SIRT2: variants seen among roughly 807,000 people sequenced by gnomAD.
SIRT2 encodes the protein NAD-dependent protein deacetylase sirtuin-2.
A neutral mutation model predicts 57.4 loss-of-function variants in SIRT2; 40 were observed. That is an observed-to-expected ratio of 0.70 (90% CI 0.54 to 0.91). The LOEUF (loss-of-function observed/expected upper bound fraction) is 0.91, where lower values mean the gene tolerates loss of function less well. Among genes scored for constraint, SIRT2 ranks in the 40% least tolerant of loss-of-function variants. SIRT2 has a pLI of 0.00. For synonymous variants in SIRT2, 161 were observed against 195.7 expected, an observed-to-expected ratio of 0.82 and a Z score of 1.48; for missense variants, 439 against 510.4, an observed-to-expected ratio of 0.86 and a Z score of 1.35.
rs571037043 is a variant in SIRT2, at chr19:38,880,217, G to C, written c.876+468C>G. The C allele has an allele frequency of 4.9e-5, 9 of 182,134 alleles. No homozygotes were observed. The Admixed American group carries it at 4.9e-4, about 10-fold the overall frequency. 11.3% of individuals were successfully genotyped at this position (182,134 alleles called of 1,614,324 possible). A position where few individuals can be genotyped will look rare whatever the true frequency, so the allele number is the denominator to read the frequency against. On this transcript the variant is annotated intron_variant, in intron 13 of 15. Coordinates refer to ENST00000249396, the MANE Select transcript of SIRT2 (RefSeq NM_012237.4). The surrounding 1 kb of genome is among the most constrained non-coding windows in gnomAD (Gnocchi z 4.1). ...CACAAAACCGCGATGGGGTTGTGGC[G>C]CCAGTGAGTTCACGCAGGCTAAGAC...
In SIRT2 at chr19:38,878,907, C is replaced by T; in HGVS notation, c.*248G>A. The T allele has an allele frequency of 2.1e-6, 1 of 465,534 alleles. No individual in the cohort carries two copies. The highest frequency in any genetic ancestry group is 3.8e-6 in the Non-Finnish European group (1 of 266,078). 28.8% of individuals were successfully genotyped at this position (465,534 alleles called of 1,614,324 possible). ...AGATGAGGGAGGTTACTCCTTAGCC[C>T]AGGAGTGGTTAGAGACAGTGGGGCT... On this transcript the variant is annotated 3_prime_UTR_variant, in exon 16 of 16. Coordinates refer to ENST00000249396, the MANE Select transcript of SIRT2 (RefSeq NM_012237.4).
At chr19:38,883,597 G>T in intron 9 of SIRT2, 30 bp downstream of exon 9, 1 of 1,607,624 alleles carries the variant, frequency 6.2e-7, no homozygotes, top group Non-Finnish European at 8.5e-7. Flanking sequence ...CTGAGAGGAG[G>T]CCTGCCCTCA....
At chr19:38,881,342 G>T in intron 10 of SIRT2, 90 bp downstream of exon 10, 2 of 1,261,750 alleles carry the variant, frequency 1.6e-6, no homozygotes, top group African/African-American at 1.5e-5. Flanking sequence ...GTGGCCAGAT[G>T]TGTGCGGGTG....
intron 4 of SIRT2, among the ~76,000 whole-genome samples, chr19:38,892,872 CT>C (rs369809805): frequency 4.2e-4 from 64 of 152,352 alleles, no homozygotes; most frequent in African/African-American, 1.1e-3. Flanking sequence ...GCCACTGCCC[CT>C]GGTCCTATAT....
At chr19:38,883,868 TG>T in intron 8 of SIRT2, 112 bp from the exon 9 acceptor site, 1 of 1,167,852 alleles carries the variant, frequency 8.6e-7, no homozygotes, top group South Asian at 1.3e-5. Context: ...TGGGGACAGG[TG>T]GAGAAGGGAG....
chr19:38,880,749 G>A lies in SIRT2; in HGVS notation c.825-13C>T, dbSNP rs1248954459. 6.8e-6 allele frequency: 11 copies of A among 1,608,670 alleles called. No homozygotes were observed. Among genetic ancestry groups the A allele is most frequent in the African/African-American group, 1.3e-5 (1 of 74,788 alleles). ...GGAGAGGGGTGCCCTGTGGGGAGGG[G>A]GAGCTAAGGGGTCAGGGTCTGTCCT... On this transcript the variant is annotated splice_polypyrimidine_tract_variant and intron_variant, in intron 12 of 15. Transcript: ENST00000249396. The surrounding 1 kb of genome is among the most constrained non-coding windows in gnomAD (Gnocchi z 4.1).
rs1280749644 is a variant in SIRT2, at chr19:38,890,160, T to G, written c.227-16A>C. 1 of 1,613,930 alleles carries G rather than the reference T, an allele frequency of 6.2e-7. No individual in the cohort carries two copies. Among genetic ancestry groups the G allele is most frequent in the East Asian group, 2.2e-5 (1 of 44,894 alleles). Reference sequence around the variant, plus strand: ...ACTCTGCGACCTGGAGGAGAGGAACTTATGCACCATATGACACCGTTTGCT... The same window carrying G: ...ACTCTGCGACCTGGAGGAGAGGAACGTATGCACCATATGACACCGTTTGCT... On this transcript the variant is annotated splice_polypyrimidine_tract_variant and intron_variant, in intron 4 of 15. Coordinates refer to ENST00000249396, the MANE Select transcript of SIRT2 (RefSeq NM_012237.4).
rs775649914 is a variant in SIRT2 at position 38,889,728 on chromosome 19, G to A, written c.393C>T (p.Phe131=). Reference sequence around the variant, plus strand: ...GATAGAGTTCCTTGGCGAGGGCGAAGAAGGGTTCCGGATGTTTCTGTAGGA... The same window carrying A: ...GATAGAGTTCCTTGGCGAGGGCGAAAAAGGGTTCCGGATGTTTCTGTAGGA... ...ISYFKKHPEP[F]FALAKELYPG... Residue 131 remains phenylalanine, a synonymous_variant, in exon 7 of 16, where the codon TTC becomes TTT. Coordinates refer to ENST00000249396, the MANE Select transcript of SIRT2 (RefSeq NM_012237.4). 1.9e-6 allele frequency: 3 copies of A among 1,614,174 alleles called. No homozygotes were observed. Among genetic ancestry groups the A allele is most frequent in the Admixed American group, 3.3e-5 (2 of 60,016 alleles).
chr19:38,895,581 G>A (rs1052823431), intron 2 of SIRT2, among the ~76,000 whole-genome samples: 1 of 152,202 alleles, frequency 6.6e-6, no homozygotes. Flanking sequence ...CTGCGTCCAA[G>A]TCTTTTTGAA....
chr19:38,885,270 T>G (rs1256663459), intron 8 of SIRT2, among the ~76,000 whole-genome samples: 1 of 151,124 alleles, frequency 6.6e-6, no homozygotes, highest in South Asian at 2.1e-4. Flanking sequence ...TCTTTTTAAT[T>G]ATTTTTGTAG....
chr19:38,885,336 C>T (rs1220732354), intron 8 of SIRT2, among the ~76,000 whole-genome samples: 1 of 152,062 alleles, frequency 6.6e-6, no homozygotes, highest in African/African-American at 2.4e-5. Flanking sequence ...AACTCCTGGG[C>T]TCAAGTGATC....
At position 38,879,414 on chromosome 19, in the gene SIRT2, G is replaced by A. The variant is rs201620310; in HGVS notation, c.1014+20C>T. 62 of 1,589,470 alleles carry A rather than the reference G, an allele frequency of 3.9e-5. No homozygotes were observed. In the African/African-American group the frequency reaches 6.3e-4, roughly 16 times the overall value. ...CCAGGGATGGGGCTCAGGACAGGCTGGGGTTGCTCAGCTCCTCACCTTCCA... is the reference window on the plus strand; with the variant it reads ...CCAGGGATGGGGCTCAGGACAGGCTAGGGTTGCTCAGCTCCTCACCTTCCA... On this transcript the variant is annotated intron_variant, in intron 15 of 15. Transcript: ENST00000249396.
chr19:38,892,927 T>C (rs1973590297), intron 4 of SIRT2, among the ~76,000 whole-genome samples: 1 of 152,184 alleles, frequency 6.6e-6, no homozygotes. Flanking sequence ...TTAGATACTA[T>C]AATCATTATC....
At chr19:38,896,090 AAGAG>A (rs1202305169) in intron 2 of SIRT2, among the ~76,000 whole-genome samples, 5 of 151,910 alleles carry the variant, frequency 3.3e-5, no homozygotes, top group Admixed American at 2.0e-4. Context: ...GAGAGAGAGA[AAGAG>A]AGAGTGAGAA....
rs146903375 is a variant in SIRT2, at chr19:38,883,631, C to T, written c.627G>A (p.Met209Ile). The change falls in exon 9 of 16, where the codon ATG (methionine) becomes ATA (isoleucine). Residue 209 changes from methionine (M) to isoleucine (I), a missense_variant. Met to Ile is a conservative substitution (Grantham distance 10). Coordinates refer to ENST00000249396, the MANE Select transcript of SIRT2 (RefSeq NM_012237.4). ...SCRHEYPLSW[M>I]KEKIFSEVTP... Reference sequence around the variant, plus strand: ...CAGGATGCCCTCCAGCCTCACCTTTCATCCAGCTTAGCGGGTATTCGTGCC... The same window carrying T: ...CAGGATGCCCTCCAGCCTCACCTTTTATCCAGCTTAGCGGGTATTCGTGCC... 7 of 1,613,620 alleles carry T rather than the reference C, an allele frequency of 4.3e-6. No individual in the cohort carries two copies. The highest frequency in any genetic ancestry group is 5.1e-6 in the Non-Finnish European group (6 of 1,179,620).
At chr19:38,899,380 A>G in intron 1 of SIRT2, 126 bp downstream of exon 1, 1 of 1,073,902 alleles carries the variant, frequency 9.3e-7, no homozygotes, top group Non-Finnish European at 1.4e-6. Context: ...AACAGCCCTC[A>G]GAATCCCACT....
At chr19:38,894,027 GGACA>G in intron 2 of SIRT2, 160 bp from the exon 3 acceptor site, 1 of 1,446,182 alleles carries the variant, frequency 6.9e-7, no homozygotes, top group South Asian at 1.4e-5. Context: ...CAGGGCTCTG[GGACA>G]GGCTGCCGGG....
Position 38,889,899 on chromosome 19 carries a change from G to A in SIRT2, c.331C>T (p.His111Tyr). 6.2e-7 allele frequency: 1 copy of A among 1,614,134 alleles called. No individual in the cohort carries two copies. The highest frequency in any genetic ancestry group is 1.7e-5 in the Admixed American group (1 of 60,024). The change falls in exon 6 of 16, where the codon CAT (histidine) becomes TAT (tyrosine). Residue 111 changes from histidine to tyrosine, a missense_variant. His to Tyr is a moderately conservative substitution (Grantham distance 83). Transcript: ENST00000249396. ...AAGATGGCCTCTGGGTAGGGAAGAT[G>A]GTACTTCTCTAGGTTGTCATAGAGG... is the stretch of plus-strand genomic sequence containing the variant. ...TGLYDNLEKY[H>Y]LPYPEAIFEI...
chr19:38,880,943 C>A lies in SIRT2; in HGVS notation c.748-46G>T. On this transcript the variant is annotated intron_variant, in intron 11 of 15. Transcript: ENST00000249396. The surrounding 1 kb of genome is among the most constrained non-coding windows in gnomAD (Gnocchi z 4.1). ...TTGGGAGCCTCCGCCCAGGCTGCGC[C>A]ACCGCTCCCTCCCCCGCCCCCAGCA... 6.3e-7 allele frequency: 1 copy of A among 1,589,548 alleles called. No individual in the cohort carries two copies. Among genetic ancestry groups the A allele is most frequent in the Non-Finnish European group, 8.6e-7 (1 of 1,159,512 alleles).
Sources: allele counts gnomAD v4.1 joint callset (sites outside exome capture counted in the v4.1 genomes callset), GRCh38; gene constraint gnomAD v4.1.1; non-coding constraint Gnocchi (gnomAD v3.1); transcripts MANE v1.5; gene names NCBI Gene and HGNC (gene_info 2026-07-23, HGNC 2026-07-21).